Variants in GRAMD1B observed in about 807,000 individuals in gnomAD.
GRAMD1B encodes protein Aster-B.
Under a neutral mutation model 99.7 loss-of-function variants are expected in GRAMD1B, and 37 were observed. The ratio of observed to expected loss-of-function variants is 0.37; its 90% confidence interval spans 0.29 to 0.49. GRAMD1B has a LOEUF of 0.49. GRAMD1B is among the 20% of genes least tolerant of loss of function. The probability of loss-of-function intolerance (pLI) is 0.98; values close to 1 mark genes in which losing one functional copy is unlikely to be tolerated. For synonymous variants in GRAMD1B, 427 were observed against 387.6 expected (o/e 1.10, Z -1.19); for missense variants, 888 against 1,009.2 (o/e 0.88, Z 1.63).
At chr11:123,515,683 A>G (rs924842753) in intron 2 of GRAMD1B, among the ~76,000 whole-genome samples, 1 of 152,236 alleles carries the variant, frequency 6.6e-6, no homozygotes, top group African/African-American at 2.4e-5. Flanking sequence ...AACTAAACTG[A>G]AACATAGAAC....
At chr11:123,392,785 C>T (rs1000275262) in intron 1 of GRAMD1B, among the ~76,000 whole-genome samples, 12 of 152,140 alleles carry the variant, frequency 7.9e-5, no homozygotes, top group Non-Finnish European at 1.6e-4. Flanking sequence ...AATATTACTC[C>T]TATCTACTTT....
chr11:123,494,271 C>G (rs1938948019), intron 2 of GRAMD1B, among the ~76,000 whole-genome samples: 1 of 152,166 alleles, frequency 6.6e-6, no homozygotes, highest in South Asian at 2.1e-4. Flanking sequence ...AAAGACTGAC[C>G]TTTACACATC....
chr11:123,559,110 G>A (rs973229335), intron 2 of GRAMD1B, among the ~76,000 whole-genome samples: 1 of 152,186 alleles, frequency 6.6e-6, no homozygotes, highest in Non-Finnish European at 1.5e-5. Flanking sequence ...GGGTGGTCCC[G>A]GAATAGCAAC....
At chr11:123,513,134 C>T (rs1279149686) in intron 2 of GRAMD1B, among the ~76,000 whole-genome samples, 1 of 152,130 alleles carries the variant, frequency 6.6e-6, no homozygotes, top group Non-Finnish European at 1.5e-5. Context: ...AAAAATGCAT[C>T]CCCCTTATCT....
chr11:123,377,580 G>A (rs1276939177), intron 1 of GRAMD1B, among the ~76,000 whole-genome samples: 4 of 152,152 alleles, frequency 2.6e-5, no homozygotes, highest in African/African-American at 9.7e-5. Context: ...CAAGGAGGCC[G>A]GCTGGAAGGG....
intron 2 of GRAMD1B, among the ~76,000 whole-genome samples, chr11:123,554,357 G>T (rs1024541755): frequency 6.6e-6 from 1 of 152,034 alleles, no homozygotes; most frequent in Non-Finnish European, 1.5e-5. Context: ...CCATAAGACA[G>T]AAACCACACC....
intron 1 of GRAMD1B, among the ~76,000 whole-genome samples, chr11:123,386,601 C>A (rs925246178): frequency 6.6e-6 from 1 of 152,182 alleles, no homozygotes; most frequent in South Asian, 2.1e-4. Flanking sequence ...CCACACCCAG[C>A]TAATTTTTTG....
intron 1 of GRAMD1B, among the ~76,000 whole-genome samples, chr11:123,437,359 G>T (rs1949207713): frequency 6.6e-6 from 1 of 152,170 alleles, no homozygotes; most frequent in Non-Finnish European, 1.5e-5. Flanking sequence ...TCAGAAATTA[G>T]ATGAAACCAC....
chr11:123,578,465 C>G, intron 3 of GRAMD1B: 1 of 1,467,532 alleles, frequency 6.8e-7, no homozygotes, highest in Non-Finnish European at 9.2e-7. Flanking sequence ...TTTTATCTCC[C>G]CTCTAGTGTC....
At chr11:123,523,692 T>G (rs1332367876) in intron 2 of GRAMD1B, among the ~76,000 whole-genome samples, 1 of 152,248 alleles carries the variant, frequency 6.6e-6, no homozygotes, top group African/African-American at 2.4e-5. Context: ...AGTATTCACG[T>G]GTACCTGGAG....
chr11:123,576,834 G>A (rs1009587692), intron 2 of GRAMD1B, among the ~76,000 whole-genome samples: 6 of 152,204 alleles, frequency 3.9e-5, no homozygotes, highest in Non-Finnish European at 8.8e-5. Flanking sequence ...TTAACATAGG[G>A]ATTATGGTAC....
intron 2 of GRAMD1B, among the ~76,000 whole-genome samples, chr11:123,533,146 T>G (rs1292814987): frequency 6.6e-6 from 1 of 152,090 alleles, no homozygotes; most frequent in Non-Finnish European, 1.5e-5. Context: ...AATTTGTATT[T>G]TTTTAGTAGA....
At chr11:123,386,690 C>T (rs952614628) in intron 1 of GRAMD1B, among the ~76,000 whole-genome samples, 3 of 152,150 alleles carry the variant, frequency 2.0e-5, no homozygotes, top group Non-Finnish European at 2.9e-5. Context: ...CTCAGGTGAT[C>T]TGCCTGCCTC....
intron 2 of GRAMD1B, among the ~76,000 whole-genome samples, chr11:123,544,545 G>T (rs1269611932): frequency 6.6e-6 from 1 of 152,150 alleles, no homozygotes; most frequent in Admixed American, 6.5e-5. Flanking sequence ...CCCTCCTCCT[G>T]TAGGTGGCTT....
At chr11:123,590,758 T>C (rs1950563697) in intron 4 of GRAMD1B, among the ~76,000 whole-genome samples, 1 of 152,166 alleles carries the variant, frequency 6.6e-6, no homozygotes, top group Admixed American at 6.5e-5. Context: ...GTGAGGGCTG[T>C]GAGTCATAGT....
intron 2 of GRAMD1B, among the ~76,000 whole-genome samples, chr11:123,508,000 C>T (rs936596016): frequency 3.3e-5 from 5 of 152,176 alleles, no homozygotes; most frequent in African/African-American, 9.6e-5. Flanking sequence ...CTTAAAGTCT[C>T]TGAATCTCAG....
At chr11:123,536,804 G>A (rs1024052179) in intron 2 of GRAMD1B, among the ~76,000 whole-genome samples, 3 of 152,118 alleles carry the variant, frequency 2.0e-5, no homozygotes, top group Non-Finnish European at 4.4e-5. Flanking sequence ...TGGTCTCATT[G>A]CTGGAGCTCT....
rs558626774 is a variant in GRAMD1B, at chr11:123,588,031, A to G, written c.684+3699A>G. On this transcript the variant is annotated intron_variant, in intron 4 of 19. Transcript: ENST00000635736. ...CCCCACCCCTTCTCTACCCTTCTCC[A>G]TAGCCCCCATGCCTGCCTCAGTCTC... Among the ~76,000 whole-genome samples, 4 of 109,420 alleles carry G rather than the reference A, an allele frequency of 3.7e-5. No individual in the cohort carries two copies. The East Asian group carries it at 1.1e-3, about 30-fold the overall frequency. The allele number at this position is 109,420 out of a possible 152,430, so 71.8% of individuals were successfully genotyped here.
chr11:123,539,056 A>G (rs1944249456), intron 2 of GRAMD1B, among the ~76,000 whole-genome samples: 1 of 152,156 alleles, frequency 6.6e-6, no homozygotes, highest in East Asian at 1.9e-4. Flanking sequence ...TGGCTGTATA[A>G]TCTCTTAATT....
Sources: gnomAD v4.1 joint callset for allele counts (sites outside exome capture counted in the v4.1 genomes callset) on GRCh38, gnomAD v4.1.1 for gene constraint, MANE v1.5 for transcripts, NCBI Gene and HGNC (gene_info 2026-07-23, HGNC 2026-07-21) for gene names.